The following KCNQ1 variants were observed in gnomAD, a reference collection of about 807,000 sequenced individuals.
KCNQ1 encodes potassium voltage-gated channel subfamily Q member 1.
In KCNQ1, 49 loss-of-function variants were observed where a neutral mutation model predicts 72.4. The observed-to-expected ratio is 0.68, with a 90% CI of 0.54 to 0.86. The LOEUF is 0.86. Among genes scored for constraint, KCNQ1 ranks in the 40% least tolerant of loss-of-function variants. The probability of loss-of-function intolerance (pLI) is 0.00; values close to 1 mark genes in which losing one functional copy is unlikely to be tolerated. For synonymous variants in KCNQ1, 450 were observed against 412.6 expected (o/e 1.09, Z -1.10); for missense variants, 790 against 945.1 (o/e 0.84, Z 2.15).
At chr11:2,570,521 G>A in intron 2 of KCNQ1, 107 bp from the exon 3 acceptor site, 2 of 1,474,542 alleles carry the variant, frequency 1.4e-6, no homozygotes, top group Non-Finnish European at 1.9e-6. Flanking sequence ...TTCTCAGGGT[G>A]TCCTTCAGCG....
chr11:2,485,523 C>T (rs919981458), intron 1 of KCNQ1, among the ~76,000 whole-genome samples: 1 of 152,120 alleles, frequency 6.6e-6, no homozygotes, highest in Non-Finnish European at 1.5e-5. Context: ...TCTTTAATTG[C>T]GGTAAGATAC....
At position 2,564,342 on chromosome 11, in the gene KCNQ1, C is replaced by G. The variant is rs894607465; in HGVS notation, c.478-6286C>G. ...GGCGCGGTGACTCATGCCTGCAATC[C>G]CAGCACTTTGGAAGGCTGAGGCGGG... On this transcript the variant is annotated intron_variant, in intron 2 of 15. Transcript: ENST00000155840. This position sits in a 1 kb window ranked among gnomAD's most constrained non-coding sequence, Gnocchi z 4.5. 6.6e-6 allele frequency among the ~76,000 whole-genome samples: 1 copy of G among 152,158 alleles called. No individual in the cohort carries two copies. The highest frequency in any genetic ancestry group is 2.4e-5 in the African/African-American group (1 of 41,422).
At chr11:2,556,215 A>C (rs978403082) in intron 2 of KCNQ1, among the ~76,000 whole-genome samples, 1 of 152,158 alleles carries the variant, frequency 6.6e-6, no homozygotes, top group African/African-American at 2.4e-5. Context: ...TAAGAACACC[A>C]GTTGTATGGG....
chr11:2,688,282 C>T (rs1850526603), intron 11 of KCNQ1: 2 of 398,766 alleles, frequency 5.0e-6, no homozygotes, highest in Admixed American at 4.4e-5. Context: ...TCTGTTTAGA[C>T]AAGGAAAATG....
At position 2,759,567 on chromosome 11, in the gene KCNQ1, C is replaced by T. The variant is rs576216017; in HGVS notation, c.1515-9277C>T. Among the ~76,000 whole-genome samples the T allele has an allele frequency of 1.2e-4, 19 of 152,188 alleles. No homozygotes were observed. Among genetic ancestry groups the T allele is most frequent in the Non-Finnish European group, 2.6e-4 (18 of 68,034 alleles). On this transcript the variant is annotated intron_variant, in intron 11 of 15. Coordinates refer to ENST00000155840, the MANE Select transcript of KCNQ1 (RefSeq NM_000218.3). This position sits in a 1 kb window ranked among gnomAD's most constrained non-coding sequence, Gnocchi z 4.4. ...CTGCGCGGGAGGGAGTTGCAAAGAGCGACACCCCAGCATGTGGGAAGGAAG... is the reference window on the plus strand; with the variant it reads ...CTGCGCGGGAGGGAGTTGCAAAGAGTGACACCCCAGCATGTGGGAAGGAAG...
chr11:2,487,475 T>C (rs991712495), intron 1 of KCNQ1, among the ~76,000 whole-genome samples: 65 of 152,326 alleles, frequency 4.3e-4, no homozygotes, highest in African/African-American at 1.5e-3. Flanking sequence ...AGTATTGATA[T>C]CTCAACATTG....
intron 7 of KCNQ1, among the ~76,000 whole-genome samples, chr11:2,584,273 CG>C (rs1848551512): frequency 6.6e-6 from 1 of 152,248 alleles, no homozygotes; most frequent in Non-Finnish European, 1.5e-5. Flanking sequence ...CATCTATGTG[CG>C]TATATGTGTG....
Position 2,849,030 on chromosome 11 carries a change from CA to C in KCNQ1, c.*1028del, listed in dbSNP as rs1297883212. ...ACTGCTCTCACCTTGGTTCCTGGGG[CA>C]TCCATGGGGTCTCTCACAGACAGGA... On this transcript the variant is annotated 3_prime_UTR_variant, in exon 16 of 16. Coordinates refer to ENST00000155840, the MANE Select transcript of KCNQ1 (RefSeq NM_000218.3). 1 of 454,054 alleles carries C rather than the reference CA, an allele frequency of 2.2e-6. No homozygotes were observed. Among genetic ancestry groups the C allele is most frequent in the African/African-American group, 2.0e-5 (1 of 50,032 alleles). 28.1% of individuals were successfully genotyped at this position (454,054 alleles called of 1,614,324 possible).
chr11:2,533,321 C>T (rs912946210), intron 2 of KCNQ1, among the ~76,000 whole-genome samples: 3 of 152,176 alleles, frequency 2.0e-5, no homozygotes, highest in East Asian at 3.9e-4. Flanking sequence ...AATCTGGTCT[C>T]GGCTGGGGTC....
chr11:2,686,922 C>T, intron 11 of KCNQ1: 1 of 398,692 alleles, frequency 2.5e-6, no homozygotes, highest in East Asian at 3.6e-5. Flanking sequence ...CAGGTCCATG[C>T]AGGTCTCCGT....
chr11:2,699,760 C>T (rs1447894857), intron 11 of KCNQ1: 2 of 359,604 alleles, frequency 5.6e-6, no homozygotes, highest in East Asian at 4.7e-5. Context: ...AGAAGAGCGC[C>T]GCGCTGAGGA....
chr11:2,692,090 A>C (rs1257548972), intron 11 of KCNQ1: 3 of 396,624 alleles, frequency 7.6e-6, no homozygotes, highest in African/African-American at 2.1e-5. Flanking sequence ...ACCTGCCCCC[A>C]CCTCCTCTCC....
In KCNQ1 at chr11:2,785,559, T is replaced by A. The variant is rs1846894324; in HGVS notation, c.1794+7522T>A. 1.3e-5 allele frequency among the ~76,000 whole-genome samples: 2 copies of A among 151,880 alleles called. No individual in the cohort carries two copies. The highest frequency in any genetic ancestry group is 1.3e-4 in the Admixed American group (2 of 15,268). On this transcript the variant is annotated intron_variant, in intron 15 of 15. Coordinates refer to ENST00000155840, the MANE Select transcript of KCNQ1 (RefSeq NM_000218.3). The surrounding 1 kb of genome is among the most constrained non-coding windows in gnomAD (Gnocchi z 4.4). ...AATCCTACAACCGTAGGATTTCAGG[T>A]TTGTCTTTTGTAAACACTGTATTAC...
Position 2,642,320 on chromosome 11 carries a change from T to C in KCNQ1, c.1394-19641T>C. 2.5e-6 allele frequency: 1 copy of C among 398,254 alleles called. No homozygotes were observed. The highest frequency in any genetic ancestry group is 4.4e-6 in the Non-Finnish European group (1 of 225,864). 24.7% of individuals were successfully genotyped at this position (398,254 alleles called of 1,614,324 possible). On this transcript the variant is annotated intron_variant, in intron 10 of 15. Transcript: ENST00000155840. This position sits in a 1 kb window ranked among gnomAD's most constrained non-coding sequence, Gnocchi z 4.3. Reference sequence around the variant, plus strand: ...CTTTTGTAGTTTTCCTTGTTAGAGGTTTCTCACCTCTTTGGTTAAACTCAT... The same window carrying C: ...CTTTTGTAGTTTTCCTTGTTAGAGGCTTCTCACCTCTTTGGTTAAACTCAT...
intron 11 of KCNQ1, among the ~76,000 whole-genome samples, chr11:2,756,146 T>C (rs1846294934): frequency 1.3e-5 from 2 of 152,188 alleles, no homozygotes; most frequent in Non-Finnish European, 2.9e-5. Flanking sequence ...TTCACATACC[T>C]GTTGACCCAG....
rs1373375822 is a variant in KCNQ1 at position 2,671,418 on chromosome 11, C to T, written c.1514+9337C>T. The T allele has an allele frequency of 2.5e-6, 1 of 398,600 alleles. No individual in the cohort carries two copies. The highest frequency in any genetic ancestry group is 4.4e-6 in the Non-Finnish European group (1 of 226,066). The allele number at this position is 398,600 out of a possible 1,614,324, so 24.7% of individuals were successfully genotyped here. On this transcript the variant is annotated intron_variant, in intron 11 of 15. Transcript: ENST00000155840. This position sits in a 1 kb window ranked among gnomAD's most constrained non-coding sequence, Gnocchi z 4.7. ...TCTCCCAGGGTACTCTGGATGTGCA[C>T]CCAGAGATTCTCCCACTTTAGCAGG...
chr11:2,705,477 C>CG (rs3216306), intron 11 of KCNQ1, among the ~76,000 whole-genome samples: 30 of 152,114 alleles, frequency 2.0e-4, no homozygotes, highest in Admixed American at 4.6e-4. Context: ...GTGCCAGGCA[C>CG]GGGGGGGTGG....
Position 2,782,262 on chromosome 11 carries a change from C to T in KCNQ1, c.1794+4225C>T, listed in dbSNP as rs527404117. 5.3e-5 allele frequency among the ~76,000 whole-genome samples: 8 copies of T among 152,296 alleles called. No individual in the cohort carries two copies. Among genetic ancestry groups the T allele is most frequent in the South Asian group, 2.1e-4 (1 of 4,816 alleles). ...TGGATTATTTTTCCAGCCATATATG[C>T]GGTCTCCGGCCTCTCCTCACACCCA... On this transcript the variant is annotated intron_variant, in intron 15 of 15. Coordinates refer to ENST00000155840, the MANE Select transcript of KCNQ1 (RefSeq NM_000218.3). This position sits in a 1 kb window ranked among gnomAD's most constrained non-coding sequence, Gnocchi z 6.1.
At chr11:2,686,224 C>T (rs905654981) in intron 11 of KCNQ1, 1 of 398,778 alleles carries the variant, frequency 2.5e-6, no homozygotes. Context: ...GCTGTGTGAC[C>T]TTTAGGCCTT....
Sources: allele counts gnomAD v4.1 joint callset (sites outside exome capture counted in the v4.1 genomes callset), GRCh38; gene constraint gnomAD v4.1.1; non-coding constraint Gnocchi (gnomAD v3.1); transcripts MANE v1.5; gene names NCBI Gene and HGNC (gene_info 2026-07-23, HGNC 2026-07-21).